Variants in SCD5 observed in about 807,000 individuals in gnomAD.
SCD5 encodes the protein acyl-CoA-desaturase 4.
Under a neutral mutation model 30.4 loss-of-function variants are expected in SCD5, and 20 were observed. The observed-to-expected ratio is 0.66, with a 90% confidence interval of 0.46 to 0.96. The LOEUF is 0.96. SCD5 is among the 40% of genes least tolerant of loss of function. The pLI, the probability that SCD5 is intolerant of heterozygous loss-of-function variation, is 0.00. For missense variants in SCD5, 381 were observed against 443.3 expected, an observed-to-expected ratio of 0.86 and a Z score of 1.26; for synonymous variants, 173 against 176.4, an observed-to-expected ratio of 0.98 and a Z score of 0.16.
chr4:82,724,663 GT>G (rs1720435074), intron 1 of SCD5, among the ~76,000 whole-genome samples: 1 of 152,192 alleles, frequency 6.6e-6, no homozygotes, highest in African/African-American at 2.4e-5. Context: ...TTCTGAGTCT[GT>G]TTCCTCATCT....
chr4:82,773,141 T>C (rs1007526844), intron 1 of SCD5, among the ~76,000 whole-genome samples: 4 of 152,134 alleles, frequency 2.6e-5, no homozygotes, highest in Admixed American at 2.6e-4. Context: ...AGGGGTACAA[T>C]AGAGTCTTTC....
At chr4:82,675,842 A>G (rs1728424654) in intron 3 of SCD5, among the ~76,000 whole-genome samples, 1 of 152,234 alleles carries the variant, frequency 6.6e-6, no homozygotes, top group Non-Finnish European at 1.5e-5. Context: ...GGAATATGAG[A>G]TGACAAATCG....
chr4:82,666,872 A>C (rs952127055), intron 3 of SCD5, among the ~76,000 whole-genome samples: 1 of 152,226 alleles, frequency 6.6e-6, no homozygotes, highest in Admixed American at 6.5e-5. Context: ...CACTATCTAC[A>C]TGACAGAGTT....
At chr4:82,740,196 G>A (rs1486188843) in intron 1 of SCD5, among the ~76,000 whole-genome samples, 1 of 152,226 alleles carries the variant, frequency 6.6e-6, no homozygotes, top group Non-Finnish European at 1.5e-5. Context: ...AGCGCCCAAA[G>A]TAGAGCGGAG....
chr4:82,784,099 C>T (rs548179431), intron 1 of SCD5, among the ~76,000 whole-genome samples: 9 of 152,170 alleles, frequency 5.9e-5, no homozygotes, highest in Non-Finnish European at 7.4e-5. Context: ...ATAGAGTCTA[C>T]GGGAGATCCT....
In SCD5 at chr4:82,728,102, C is replaced by CA. The variant is rs1720546566; in HGVS notation, c.233-22690dup. Among the ~76,000 whole-genome samples, 3 of 151,980 alleles carry CA rather than the reference C, an allele frequency of 2.0e-5. No individual in the cohort carries two copies. The South Asian group carries it at 6.2e-4, about 32-fold the overall frequency. On this transcript the variant is annotated intron_variant, in intron 1 of 4. Coordinates refer to ENST00000319540, the MANE Select transcript of SCD5 (RefSeq NM_001037582.3). ...TTAGTCTATAGGTTAGCCTGGGTGA[C>CA]AGAGTGAAACCCTGTCTCTAAAAAT... is the stretch of plus-strand genomic sequence containing the variant.
chr4:82,710,894 CAGAG>C (rs34374340), intron 1 of SCD5, among the ~76,000 whole-genome samples: 92 of 149,254 alleles, frequency 6.2e-4, no homozygotes, highest in African/African-American at 1.5e-3. Context: ...GAAAACGAGA[CAGAG>C]AGAGAGAGAG....
At chr4:82,722,503 C>A (rs1223998611) in intron 1 of SCD5, among the ~76,000 whole-genome samples, 1 of 152,224 alleles carries the variant, frequency 6.6e-6, no homozygotes, top group African/African-American at 2.4e-5. Context: ...GTAGCTCACT[C>A]CTGTAATCCC....
At chr4:82,758,402 T>C (rs1721275050) in intron 1 of SCD5, among the ~76,000 whole-genome samples, 1 of 152,108 alleles carries the variant, frequency 6.6e-6, no homozygotes, top group African/African-American at 2.4e-5. Flanking sequence ...AAGGCTACAG[T>C]GAGCTGTGAT....
chr4:82,795,967 G>A (rs1269616017), intron 1 of SCD5, among the ~76,000 whole-genome samples: 1 of 150,882 alleles, frequency 6.6e-6, no homozygotes, highest in Admixed American at 6.6e-5. Flanking sequence ...CAATGAAGGT[G>A]GGGAGAGAAT....
intron 1 of SCD5, among the ~76,000 whole-genome samples, chr4:82,761,454 G>A (rs990358919): frequency 3.9e-5 from 6 of 152,180 alleles, no homozygotes; most frequent in African/African-American, 1.2e-4. Context: ...AGACAGTGGT[G>A]ATTTCAGGAA....
intron 2 of SCD5, among the ~76,000 whole-genome samples, chr4:82,687,518 C>T (rs901302910): frequency 6.6e-6 from 1 of 152,210 alleles, no homozygotes; most frequent in Admixed American, 6.5e-5. Context: ...GCAATCCAGT[C>T]TGTTAATACA....
chr4:82,784,147 T>C (rs111644378), intron 1 of SCD5, among the ~76,000 whole-genome samples: 6 of 152,302 alleles, frequency 3.9e-5, no homozygotes, highest in African/African-American at 1.4e-4. Context: ...AGCTTGAAAT[T>C]ACACATCACA....
In SCD5 at chr4:82,772,762, C is replaced by T. The variant is rs1721655727; in HGVS notation, c.232+25544G>A. Among the ~76,000 whole-genome samples, 3 of 152,126 alleles carry T rather than the reference C, an allele frequency of 2.0e-5. No individual in the cohort carries two copies. In the South Asian group the frequency reaches 6.2e-4, roughly 32 times the overall value. On this transcript the variant is annotated intron_variant, in intron 1 of 4. Coordinates refer to ENST00000319540, the MANE Select transcript of SCD5 (RefSeq NM_001037582.3). ...GCTCCCCCGCTGTGCTCCCCTGAAC[C>T]CTGTATGTCCTCTTCATAGAATTTC...
intron 3 of SCD5, among the ~76,000 whole-genome samples, chr4:82,648,961 A>G (rs1474447481): frequency 6.6e-6 from 1 of 152,174 alleles, no homozygotes; most frequent in Admixed American, 6.6e-5. Flanking sequence ...GATTCCATGC[A>G]AAAATGTATA....
intron 3 of SCD5, among the ~76,000 whole-genome samples, chr4:82,653,895 A>C (rs978164928): frequency 1.3e-5 from 2 of 151,532 alleles, no homozygotes; most frequent in Non-Finnish European, 2.9e-5. Flanking sequence ...AAGAGTCCTC[A>C]CACTTCAGTT....
At chr4:82,787,104 G>A (rs1306733274) in intron 1 of SCD5, among the ~76,000 whole-genome samples, 1 of 152,206 alleles carries the variant, frequency 6.6e-6, no homozygotes, top group African/African-American at 2.4e-5. Context: ...GAGGTTAAGT[G>A]AGGATGCACT....
chr4:82,781,342 G>A (rs1578066003), intron 1 of SCD5, among the ~76,000 whole-genome samples: 1 of 151,904 alleles, frequency 6.6e-6, no homozygotes, highest in African/African-American at 2.4e-5. Context: ...CTTGAACCCG[G>A]GAGGCAGAGG....
intron 2 of SCD5, among the ~76,000 whole-genome samples, chr4:82,703,729 T>C (rs1719907739): frequency 6.6e-6 from 1 of 152,196 alleles, no homozygotes; most frequent in Non-Finnish European, 1.5e-5. Context: ...AAGTTATTTA[T>C]CTTTGAAAAA....
Sources: gnomAD v4.1 joint callset for allele counts (sites outside exome capture counted in the v4.1 genomes callset) on GRCh38, gnomAD v4.1.1 for gene constraint, MANE v1.5 for transcripts, NCBI Gene and HGNC (gene_info 2026-07-23, HGNC 2026-07-21) for gene names.